THADA: variants seen among roughly 807,000 people sequenced by gnomAD.
THADA encodes the protein THADA armadillo repeat containing, also known as tRNA (32-2'-O)-methyltransferase regulator THADA.
In THADA, 213 loss-of-function variants were observed where a neutral mutation model predicts 219.8. That is an observed-to-expected ratio of 0.97 (90% CI 0.87 to 1.09). The LOEUF (loss-of-function observed/expected upper bound fraction) is 1.09. THADA is among the 50% of genes least tolerant of loss of function. The pLI, the probability that THADA is intolerant of heterozygous loss-of-function variation, is 0.00. For synonymous variants in THADA, 1,018 were observed against 828.9 expected, an observed-to-expected ratio of 1.23 and a Z score of -3.92; for missense variants, 2,956 against 2,311.3, an observed-to-expected ratio of 1.28 and a Z score of -5.72.
chr2:43,270,462 T>C (rs919393814), intron 36 of THADA, among the ~76,000 whole-genome samples: 4 of 152,164 alleles, frequency 2.6e-5, no homozygotes, highest in Non-Finnish European at 4.4e-5. Context: ...TCCAGTGTCT[T>C]CTTTCAAACA....
chr2:43,282,874 TG>T (rs1345580517), intron 35 of THADA, among the ~76,000 whole-genome samples: 5 of 152,208 alleles, frequency 3.3e-5, no homozygotes, highest in Admixed American at 3.3e-4. Context: ...GACATGGACG[TG>T]TACAACATGC....
chr2:43,417,251 T>G (rs1395179855), intron 28 of THADA, among the ~76,000 whole-genome samples: 3 of 152,026 alleles, frequency 2.0e-5, no homozygotes. Context: ...TAAAGACAGA[T>G]AGAAAACATA....
intron 30 of THADA, among the ~76,000 whole-genome samples, chr2:43,337,694 T>TAC (rs139544201): frequency 0.013 from 1,840 of 146,300 alleles, 21 homozygotes; most frequent in South Asian, 0.03. Flanking sequence ...CACACACTCA[T>TAC]ACACACACAC....
chr2:43,285,727 T>G (rs757915228), intron 35 of THADA, among the ~76,000 whole-genome samples: 2 of 152,092 alleles, frequency 1.3e-5, no homozygotes, highest in Non-Finnish European at 2.9e-5. Context: ...ATTTTTGTAT[T>G]TTTAGTAGAG....
At chr2:43,235,812 ATT>A (rs201803796) in intron 36 of THADA, among the ~76,000 whole-genome samples, 2 of 143,064 alleles carry the variant, frequency 1.4e-5, no homozygotes, top group Admixed American at 7.0e-5. Flanking sequence ...ATCCTGCACC[ATT>A]TTTTTTTTTT....
At chr2:43,356,607 T>C (rs964686721) in intron 29 of THADA, among the ~76,000 whole-genome samples, 1 of 152,138 alleles carries the variant, frequency 6.6e-6, no homozygotes, top group African/African-American at 2.4e-5. Flanking sequence ...TCTCAAACTT[T>C]CTCAATTCAA....
chr2:43,457,556 G>T (rs1685883387), intron 26 of THADA, among the ~76,000 whole-genome samples: 1 of 152,054 alleles, frequency 6.6e-6, no homozygotes, highest in African/African-American at 2.4e-5. Flanking sequence ...TAAAAACAAT[G>T]AATTGAAGGA....
At position 43,515,249 on chromosome 2, in the gene THADA, T is replaced by TATATATAATATATAATATATAATATATA. The variant is rs1402586041; in HGVS notation, c.3375-6497_3375-6470dup. 4.4e-4 allele frequency among the ~76,000 whole-genome samples: 6 copies of TATATATAATATATAATATATAATATATA among 13,574 alleles called. 1 individual carries two copies. Among genetic ancestry groups the TATATATAATATATAATATATAATATATA allele is most frequent in the Non-Finnish European group, 9.6e-4 (6 of 6,278 alleles). The allele number at this position is 13,574 out of a possible 152,430, so 8.9% of individuals were successfully genotyped here. On this transcript the variant is annotated intron_variant, in intron 22 of 37. Coordinates refer to ENST00000405975, the MANE Select transcript of THADA (RefSeq NM_022065.5). ...ATATAATATATAATATATAATATAT[T>TATATATAATATATAATATATAATATATA]ATATATAATATATAATATATAATAT...
chr2:43,459,301 A>G (rs988934412), intron 26 of THADA, among the ~76,000 whole-genome samples: 4 of 151,804 alleles, frequency 2.6e-5, no homozygotes, highest in African/African-American at 4.9e-5. Flanking sequence ...CCTCTCACCC[A>G]TTATCTTTCT....
At chr2:43,375,232 T>C (rs1161995145) in intron 29 of THADA, among the ~76,000 whole-genome samples, 1 of 152,194 alleles carries the variant, frequency 6.6e-6, no homozygotes, top group African/African-American at 2.4e-5. Flanking sequence ...TGACTTGCCC[T>C]AGCAAGTATC....
intron 26 of THADA, among the ~76,000 whole-genome samples, chr2:43,481,739 G>A (rs182183688): frequency 6.6e-6 from 1 of 152,256 alleles, no homozygotes. Context: ...TGTTAATACT[G>A]AGTTCATGAT....
intron 7 of THADA, among the ~76,000 whole-genome samples, chr2:43,585,346 C>CAAA (rs34682195): frequency 6.3e-5 from 6 of 95,306 alleles, no homozygotes; most frequent in Non-Finnish European, 8.7e-5. Flanking sequence ...CTCATTCCTA[C>CAAA]AAAAAAAAAA....
At chr2:43,473,593 A>G (rs1404649995) in intron 26 of THADA, among the ~76,000 whole-genome samples, 1 of 152,136 alleles carries the variant, frequency 6.6e-6, no homozygotes, top group East Asian at 1.9e-4. Context: ...GTATCACATT[A>G]TGGTACATAA....
chr2:43,331,766 T>C (rs1039468295), intron 30 of THADA, among the ~76,000 whole-genome samples: 4 of 152,210 alleles, frequency 2.6e-5, no homozygotes, highest in Admixed American at 2.6e-4. Context: ...CTAACTCCTC[T>C]GATAAGGCCT....
At chr2:43,484,769 G>C (rs528893168) in intron 26 of THADA, among the ~76,000 whole-genome samples, 1 of 151,984 alleles carries the variant, frequency 6.6e-6, no homozygotes, top group Non-Finnish European at 1.5e-5. Context: ...AACACATATA[G>C]GTGCTCCTCT....
At chr2:43,531,987 G>A (rs1038277115) in intron 21 of THADA, among the ~76,000 whole-genome samples, 1 of 150,758 alleles carries the variant, frequency 6.6e-6, no homozygotes, top group Non-Finnish European at 1.5e-5. Flanking sequence ...TTTTTTTGGT[G>A]TGTGTTTTTT....
At chr2:43,452,968 G>A (rs747966134) in intron 26 of THADA, among the ~76,000 whole-genome samples, 2 of 152,050 alleles carry the variant, frequency 1.3e-5, no homozygotes, top group Non-Finnish European at 2.9e-5. Flanking sequence ...AACCAGAAAA[G>A]AGTGTGTGTA....
chr2:43,288,287 G>A (rs539395308), intron 34 of THADA, among the ~76,000 whole-genome samples: 1 of 152,134 alleles, frequency 6.6e-6, no homozygotes, highest in Non-Finnish European at 1.5e-5. Flanking sequence ...ACATGGTGGC[G>A]CGTGCCTGTA....
intron 29 of THADA, among the ~76,000 whole-genome samples, chr2:43,367,866 C>G (rs1355362462): frequency 6.6e-6 from 1 of 152,160 alleles, no homozygotes; most frequent in African/African-American, 2.4e-5. Flanking sequence ...CGCCTGTAAT[C>G]CCAGCACTTC....
Sources: gnomAD v4.1 joint callset for allele counts (sites outside exome capture counted in the v4.1 genomes callset) on GRCh38, gnomAD v4.1.1 for gene constraint, MANE v1.5 for transcripts, NCBI Gene and HGNC (gene_info 2026-07-23, HGNC 2026-07-21) for gene names.